The following GPC5 variants were observed in gnomAD, a reference collection of about 807,000 sequenced individuals.
GPC5 encodes the protein glypican-5.
A neutral mutation model predicts 53.9 loss-of-function variants in GPC5; 47 were observed. The observed-to-expected ratio is 0.87, with a 90% CI of 0.69 to 1.11. The LOEUF (loss-of-function observed/expected upper bound fraction) is 1.11. GPC5 is among the 50% of genes most tolerant of loss of function. The pLI is 0.00. For synonymous variants in GPC5, 286 were observed against 263.3 expected, an observed-to-expected ratio of 1.09 and a Z score of -0.84; for missense variants, 748 against 713.1, an observed-to-expected ratio of 1.05 and a Z score of -0.56.
intron 7 of GPC5, chr13:92,484,469 G>C (rs1302514588): frequency 6.6e-6 from 1 of 151,948 alleles, no homozygotes; most frequent in Non-Finnish European, 1.5e-5. Context: ...GCTATATTTG[G>C]TTATGCATAC....
intron 7 of GPC5, among the ~76,000 whole-genome samples, chr13:92,621,973 GCT>G (rs1294630018): frequency 6.6e-6 from 1 of 151,976 alleles, no homozygotes; most frequent in Non-Finnish European, 1.5e-5. Flanking sequence ...CATACACCAA[GCT>G]CTCTGTGTAT....
At chr13:91,542,696 T>G (rs1173440396) in intron 2 of GPC5, among the ~76,000 whole-genome samples, 1 of 152,002 alleles carries the variant, frequency 6.6e-6, no homozygotes, top group Non-Finnish European at 1.5e-5. Flanking sequence ...TTTTTTTATT[T>G]TTTTGAGACA....
chr13:92,209,169 G>A (rs1330997), intron 7 of GPC5, among the ~76,000 whole-genome samples: 5,985 of 152,188 alleles, frequency 0.039, 391 homozygotes, highest in African/African-American at 0.14. Flanking sequence ...AAAATGAGAT[G>A]TATTGCTTAA....
chr13:92,083,561 C>A (rs1055286007), intron 6 of GPC5, among the ~76,000 whole-genome samples: 1 of 152,040 alleles, frequency 6.6e-6, no homozygotes, highest in Non-Finnish European at 1.5e-5. Flanking sequence ...TACCTTAGAA[C>A]TTAAAGTATA....
At chr13:92,164,293 G>A (rs72636803) in intron 7 of GPC5, among the ~76,000 whole-genome samples, 42,123 of 151,992 alleles carry the variant, frequency 0.28, 7,115 homozygotes, top group South Asian at 0.59. Flanking sequence ...GACAAGACAA[G>A]TCCCTTCTAC....
At chr13:92,415,703 G>A (rs776724583) in intron 7 of GPC5, among the ~76,000 whole-genome samples, 1 of 151,688 alleles carries the variant, frequency 6.6e-6, no homozygotes, top group Non-Finnish European at 1.5e-5. Context: ...AGTAATAGCA[G>A]CGGAATGATA....
At chr13:91,405,182 CA>C (rs1339478074) in intron 1 of GPC5, among the ~76,000 whole-genome samples, 1 of 152,208 alleles carries the variant, frequency 6.6e-6, no homozygotes, top group Non-Finnish European at 1.5e-5. Flanking sequence ...ACATGATTTA[CA>C]TTACTATACG....
chr13:92,293,623 G>A (rs9523609), intron 7 of GPC5, among the ~76,000 whole-genome samples: 10,960 of 151,854 alleles, frequency 0.072, 416 homozygotes, highest in Non-Finnish European at 0.086. Flanking sequence ...CTAGGTAAAC[G>A]ATCATATTGT....
At chr13:91,521,475 T>C (rs1313055059) in intron 2 of GPC5, among the ~76,000 whole-genome samples, 1 of 152,242 alleles carries the variant, frequency 6.6e-6, no homozygotes, top group Non-Finnish European at 1.5e-5. Flanking sequence ...ATACTGTTTC[T>C]TTCCTTCTTT....
intron 7 of GPC5, among the ~76,000 whole-genome samples, chr13:92,643,144 G>A (rs1195997184): frequency 6.6e-6 from 1 of 152,050 alleles, no homozygotes; most frequent in Admixed American, 6.6e-5. Context: ...AGATGAGGAG[G>A]TTGCGAAAAT....
intron 6 of GPC5, among the ~76,000 whole-genome samples, chr13:91,984,212 T>C (rs2040386415): frequency 6.6e-6 from 1 of 152,198 alleles, no homozygotes; most frequent in Non-Finnish European, 1.5e-5. Flanking sequence ...TTATTACTAT[T>C]CCATTATTAT....
intron 2 of GPC5, among the ~76,000 whole-genome samples, chr13:91,607,449 A>T (rs1161940651): frequency 1.3e-5 from 2 of 152,214 alleles, no homozygotes; most frequent in Admixed American, 1.3e-4. Context: ...ATCAAAAGGG[A>T]ACATGATGGT....
chr13:92,662,499 T>C (rs1369796603), intron 7 of GPC5, among the ~76,000 whole-genome samples: 2 of 152,184 alleles, frequency 1.3e-5, no homozygotes, highest in Non-Finnish European at 2.9e-5. Flanking sequence ...AAGTCTTCAG[T>C]GTCCCCCTGT....
At chr13:92,641,672 A>T (rs961920460) in intron 7 of GPC5, among the ~76,000 whole-genome samples, 2 of 151,930 alleles carry the variant, frequency 1.3e-5, no homozygotes, top group Non-Finnish European at 2.9e-5. Flanking sequence ...TTTGACTCAT[A>T]TTTTCTGTTC....
intron 7 of GPC5, among the ~76,000 whole-genome samples, chr13:92,619,421 C>T (rs926339726): frequency 2.0e-5 from 3 of 151,844 alleles, no homozygotes; most frequent in African/African-American, 4.8e-5. Flanking sequence ...TGAAGTAACT[C>T]GCCAATTATT....
At chr13:92,690,388 T>C (rs1168307382) in intron 7 of GPC5, among the ~76,000 whole-genome samples, 2 of 88,434 alleles carry the variant, frequency 2.3e-5, no homozygotes, top group Non-Finnish European at 4.1e-5. Flanking sequence ...ATTCTTCACG[T>C]AGTTCTCGAG....
chr13:91,696,751 A>G (rs1487402738), intron 3 of GPC5, among the ~76,000 whole-genome samples: 2 of 152,208 alleles, frequency 1.3e-5, no homozygotes, highest in Non-Finnish European at 2.9e-5. Flanking sequence ...AATCATAAGT[A>G]CCTTATATTT....
Position 91,793,620 on chromosome 13 carries a change from T to G in GPC5, c.1280+37200T>G, listed in dbSNP as rs115789508. ...CCCTTGTATTAGTCCATTTTCACACTGCTATAAAGAAACTACCTGAGACTG... is the reference window on the plus strand; with the variant it reads ...CCCTTGTATTAGTCCATTTTCACACGGCTATAAAGAAACTACCTGAGACTG... On this transcript the variant is annotated intron_variant, in intron 5 of 7. Coordinates refer to ENST00000377067, the MANE Select transcript of GPC5 (RefSeq NM_004466.6). Among the ~76,000 whole-genome samples the G allele has an allele frequency of 2.6e-5, 4 of 152,232 alleles. No individual in the cohort carries two copies. The East Asian group carries it at 7.7e-4, about 29-fold the overall frequency.
intron 6 of GPC5, among the ~76,000 whole-genome samples, chr13:92,090,287 T>C (rs894753001): frequency 6.6e-6 from 1 of 152,162 alleles, no homozygotes; most frequent in African/African-American, 2.4e-5. Context: ...TGCTGTAGGC[T>C]GAATGATGGT....
Sources: allele counts gnomAD v4.1 joint callset (sites outside exome capture counted in the v4.1 genomes callset), GRCh38; gene constraint gnomAD v4.1.1; transcripts MANE v1.5; gene names NCBI Gene and HGNC (gene_info 2026-07-23, HGNC 2026-07-21).